VWC2: variants seen among roughly 807,000 people sequenced by gnomAD.
The protein encoded by VWC2 is brorin.
VWC2 carries 14 observed loss-of-function variants against 29.8 expected under a neutral mutation model. The ratio of observed to expected loss-of-function variants is 0.47; its 90% CI spans 0.31 to 0.74. VWC2 has a LOEUF of 0.74. VWC2 is among the 30% of genes least tolerant of loss of function. The pLI is 0.05. For missense variants in VWC2, 457 were observed against 459.8 expected, an observed-to-expected ratio of 0.99 and a Z score of 0.05; for synonymous variants, 213 against 199.0, an observed-to-expected ratio of 1.07 and a Z score of -0.59.
At chr7:49,872,309 TC>T (rs1202567528) in intron 3 of VWC2, among the ~76,000 whole-genome samples, 2 of 152,004 alleles carry the variant, frequency 1.3e-5, no homozygotes, top group East Asian at 3.9e-4. Context: ...ACATGAAAGG[TC>T]TTGGATTTAA....
chr7:49,882,850 G>A (rs1327434499), intron 3 of VWC2, among the ~76,000 whole-genome samples: 1 of 151,712 alleles, frequency 6.6e-6, no homozygotes, highest in Non-Finnish European at 1.5e-5. Flanking sequence ...TTGTGTTTTT[G>A]GGTTTTTTTT....
At position 49,913,262 on chromosome 7, in the gene VWC2, G is replaced by C. The variant is rs977121455; in HGVS notation, c.*1077G>C. On this transcript the variant is annotated 3_prime_UTR_variant, in exon 4 of 4. Transcript: ENST00000340652. ...TTGTTAAAACAAAGCTGAAGACCAA[G>C]TGCACTCCACAACTTTCCTATAGTT... 2.0e-5 allele frequency: 3 copies of C among 152,158 alleles called. No homozygotes were observed. Among genetic ancestry groups the C allele is most frequent in the African/African-American group, 7.2e-5 (3 of 41,438 alleles). 9.4% of individuals were successfully genotyped at this position (152,158 alleles called of 1,614,324 possible). A position where few individuals can be genotyped will look rare whatever the true frequency, so the allele number is the denominator to read the frequency against.
rs1452800334 is a variant in VWC2 at position 49,911,918 on chromosome 7, T to TACATGCACACAC, written c.827-113_827-112insTGCACACACACA. 2.1e-4 allele frequency: 46 copies of TACATGCACACAC among 223,054 alleles called. No individual in the cohort carries two copies. In the African/African-American group the frequency reaches 2.5e-3, roughly 12 times the overall value. The allele number at this position is 223,054 out of a possible 1,614,324, so 13.8% of individuals were successfully genotyped here. A position where few individuals can be genotyped will look rare whatever the true frequency, so the allele number is the denominator to read the frequency against. Reference sequence around the variant, plus strand: ...TCTCAAAAACAAACAAACAAACAAATACACGCACACACACACACACACACA... The same window carrying TACATGCACACAC: ...TCTCAAAAACAAACAAACAAACAAATACATGCACACACACACGCACACACACACACACACACA... On this transcript the variant is annotated intron_variant, in intron 3 of 3. Transcript: ENST00000340652.
intron 3 of VWC2, among the ~76,000 whole-genome samples, chr7:49,810,764 T>C (rs943363765): frequency 1.3e-5 from 2 of 152,140 alleles, no homozygotes; most frequent in Admixed American, 1.3e-4. Flanking sequence ...GATACCTCAA[T>C]CGGGAAAGAA....
intron 3 of VWC2, among the ~76,000 whole-genome samples, chr7:49,894,008 T>C (rs1792257455): frequency 6.6e-6 from 1 of 152,202 alleles, no homozygotes; most frequent in African/African-American, 2.4e-5. Context: ...GGCTGTGTCA[T>C]TCTGGTGTGA....
At chr7:49,795,375 C>T (rs1195571372) in intron 2 of VWC2, among the ~76,000 whole-genome samples, 1 of 152,138 alleles carries the variant, frequency 6.6e-6, no homozygotes, top group Non-Finnish European at 1.5e-5. Context: ...GTGTGGTGTG[C>T]AGCTGTATGT....
At chr7:49,802,878 C>T (rs770437697) in intron 3 of VWC2, 38 bp downstream of exon 3, 1 of 1,613,196 alleles carries the variant, frequency 6.2e-7, no homozygotes, top group East Asian at 2.2e-5. Context: ...GTGCACCTCC[C>T]ACCCTGATGC....
In VWC2 at chr7:49,921,513, C is replaced by T. The variant is rs556767976; in HGVS notation, c.*9328C>T. On this transcript the variant is annotated 3_prime_UTR_variant, in exon 4 of 4. Transcript: ENST00000340652. ...ACTTACTGGTTATTTATCAGGTACA[C>T]GTTACCTACCTCTCTGTAACTCAGA... 11 of 152,304 alleles carry T rather than the reference C, an allele frequency of 7.2e-5. No individual in the cohort carries two copies. The highest frequency in any genetic ancestry group is 1.9e-4 in the East Asian group (1 of 5,186). 9.4% of individuals were successfully genotyped at this position (152,304 alleles called of 1,614,324 possible).
intron 2 of VWC2, among the ~76,000 whole-genome samples, chr7:49,801,125 T>A (rs2128705666): frequency 6.6e-6 from 1 of 152,314 alleles, no homozygotes; most frequent in South Asian, 2.1e-4. Flanking sequence ...ATGGTTAAAC[T>A]CCAGTTGAGC....
intron 3 of VWC2, among the ~76,000 whole-genome samples, chr7:49,905,113 T>C (rs1369346127): frequency 6.6e-6 from 1 of 152,216 alleles, no homozygotes; most frequent in Non-Finnish European, 1.5e-5. Flanking sequence ...AAGCTTACTT[T>C]AGGAATTTTT....
chr7:49,817,383 C>A (rs1789172512), intron 3 of VWC2, among the ~76,000 whole-genome samples: 1 of 152,188 alleles, frequency 6.6e-6, no homozygotes, highest in Admixed American at 6.5e-5. Flanking sequence ...TGAATTGCAT[C>A]CAAAACACTT....
chr7:49,802,462 A>T (rs1788761843), intron 2 of VWC2, among the ~76,000 whole-genome samples: 1 of 152,098 alleles, frequency 6.6e-6, no homozygotes, highest in Non-Finnish European at 1.5e-5. Context: ...ACATGGTTAA[A>T]CCCCATCTCT....
rs148054365 is a variant in VWC2 at position 49,830,499 on chromosome 7, G to A, written c.826+27659G>A. ...TTTTCCTGGGCTAGTTTTATTTAAC[G>A]CTACTCTTTCAGGTTTTCTCTTTTT... is the stretch of plus-strand genomic sequence containing the variant. On this transcript the variant is annotated intron_variant, in intron 3 of 3. Coordinates refer to ENST00000340652, the MANE Select transcript of VWC2 (RefSeq NM_198570.5). 6.2e-3 allele frequency among the ~76,000 whole-genome samples: 940 copies of A among 152,144 alleles called. 9 individuals are homozygous for A. The highest frequency in any genetic ancestry group is 0.031 in the Middle Eastern group (9 of 294).
chr7:49,789,366 TGA>T (rs1355708223), intron 2 of VWC2, among the ~76,000 whole-genome samples: 1 of 151,546 alleles, frequency 6.6e-6, no homozygotes, highest in Non-Finnish European at 1.5e-5. Flanking sequence ...TGTGTGTGTG[TGA>T]GTGTGAGTGT....
At chr7:49,878,056 T>C (rs972188710) in intron 3 of VWC2, among the ~76,000 whole-genome samples, 1 of 152,152 alleles carries the variant, frequency 6.6e-6, no homozygotes. Context: ...AGAAGTTTTC[T>C]GGCTTTTTTC....
chr7:49,879,125 T>C (rs1355628388), intron 3 of VWC2, among the ~76,000 whole-genome samples: 1 of 152,170 alleles, frequency 6.6e-6, no homozygotes, highest in Non-Finnish European at 1.5e-5. Context: ...TTATCTCCAC[T>C]GCCTTCTTAA....
In VWC2 at chr7:49,902,824, A is replaced by T. The variant is rs1792843822; in HGVS notation, c.827-9210A>T. 2.0e-5 allele frequency among the ~76,000 whole-genome samples: 3 copies of T among 152,130 alleles called. 1 individual carries two copies. In the South Asian group the frequency reaches 6.2e-4, roughly 31 times the overall value. On this transcript the variant is annotated intron_variant, in intron 3 of 3. Transcript: ENST00000340652. ...TTCTTTTATCAAAGACCCCTTTAAG[A>T]TGATAGAAAGCTACAAGCTCAGATA...
At chr7:49,876,396 C>T (rs756791255) in intron 3 of VWC2, among the ~76,000 whole-genome samples, 4 of 152,152 alleles carry the variant, frequency 2.6e-5, no homozygotes, top group Non-Finnish European at 5.9e-5. Flanking sequence ...TATGAGCCTT[C>T]GTTTCCACAT....
chr7:49,852,851 C>T (rs1790238336), intron 3 of VWC2, among the ~76,000 whole-genome samples: 1 of 152,204 alleles, frequency 6.6e-6, no homozygotes, highest in Admixed American at 6.5e-5. Context: ...TGACTGGCTC[C>T]TTGAACTACA....
Sources: allele counts gnomAD v4.1 joint callset (sites outside exome capture counted in the v4.1 genomes callset), GRCh38; gene constraint gnomAD v4.1.1; transcripts MANE v1.5; gene names NCBI Gene and HGNC (gene_info 2026-07-23, HGNC 2026-07-21).